Variants in DLGAP2 observed in about 807,000 individuals in gnomAD.
DLGAP2 encodes the protein disks large-associated protein 2.
DLGAP2 carries 26 observed loss-of-function variants against 100.3 expected under a neutral mutation model. That is an observed-to-expected ratio of 0.26 (90% CI 0.19 to 0.36). The LOEUF (loss-of-function observed/expected upper bound fraction) is 0.36. Ranked by LOEUF, DLGAP2 falls within the 10% of genes least tolerant of loss-of-function variation. The pLI, the probability that DLGAP2 is intolerant of heterozygous loss-of-function variation, is 1.00. For missense variants in DLGAP2, 1,858 were observed against 1,453.2 expected (o/e 1.28, Z -4.53); for synonymous variants, 886 against 630.1 (o/e 1.41, Z -6.08).
At chr8:1,533,383 G>C (rs967133064) in intron 4 of DLGAP2, among the ~76,000 whole-genome samples, 3 of 151,900 alleles carry the variant, frequency 2.0e-5, no homozygotes, top group African/African-American at 7.2e-5. Flanking sequence ...GCGGGCACCT[G>C]TAGTCCGAGC....
chr8:948,952 G>A (rs909405914), intron 2 of DLGAP2, among the ~76,000 whole-genome samples: 3 of 149,928 alleles, frequency 2.0e-5, no homozygotes, highest in Non-Finnish European at 4.5e-5. Context: ...TGAGAGCAGG[G>A]CCCGTGGGCG....
intron 2 of DLGAP2, among the ~76,000 whole-genome samples, chr8:1,013,163 C>T (rs1218650918): frequency 6.6e-6 from 1 of 152,190 alleles, no homozygotes; most frequent in African/African-American, 2.4e-5. Context: ...GCCTGTGCTG[C>T]TAATTCCTTT....
At chr8:1,151,017 G>T (rs1468140237) in intron 2 of DLGAP2, among the ~76,000 whole-genome samples, 1 of 152,082 alleles carries the variant, frequency 6.6e-6, no homozygotes, top group African/African-American at 2.4e-5. Context: ...ATATGTAATC[G>T]TTATGCTTTG....
intron 3 of DLGAP2, among the ~76,000 whole-genome samples, chr8:1,450,591 G>A (rs954075352): frequency 1.3e-5 from 2 of 152,042 alleles, no homozygotes; most frequent in Non-Finnish European, 2.9e-5. Flanking sequence ...ATGGCCCCAG[G>A]GCTACTTCCT....
chr8:1,354,565 C>T (rs1329802763), intron 3 of DLGAP2, among the ~76,000 whole-genome samples: 4 of 151,640 alleles, frequency 2.6e-5, no homozygotes, highest in Non-Finnish European at 5.9e-5. Flanking sequence ...GACTGTGGGG[C>T]CATTAAGATG....
chr8:1,392,941 C>G (rs1228779432), intron 3 of DLGAP2, among the ~76,000 whole-genome samples: 2 of 120,214 alleles, frequency 1.7e-5, no homozygotes, highest in Non-Finnish European at 3.4e-5. Flanking sequence ...ACTATTCCCC[C>G]CAAATGGAGA....
intron 3 of DLGAP2, among the ~76,000 whole-genome samples, chr8:1,292,900 G>C (rs907056021): frequency 6.6e-6 from 1 of 152,110 alleles, no homozygotes; most frequent in East Asian, 1.9e-4. Flanking sequence ...GCGTGGGTCA[G>C]GGTCCCCTCT....
Position 1,141,580 on chromosome 8 carries a change from G to C in DLGAP2, c.74-117271G>C, listed in dbSNP as rs185516780. Among the ~76,000 whole-genome samples the C allele has an allele frequency of 3.0e-3, 449 of 152,198 alleles. 4 individuals carry two copies. Among genetic ancestry groups the C allele is most frequent in the African/African-American group, 0.01 (421 of 41,524 alleles). On this transcript the variant is annotated intron_variant, in intron 2 of 14. Transcript: ENST00000637795. ...ACTCAGACAGCCATAACCTTTATAA[G>C]AGATTACACCAATTCTAGAATATTT...
intron 2 of DLGAP2, among the ~76,000 whole-genome samples, chr8:1,257,484 G>A (rs1401011573): frequency 1.4e-5 from 2 of 146,454 alleles, no homozygotes; most frequent in Non-Finnish European, 3.0e-5. Context: ...TCCCCTGCCT[G>A]TCCACCTTGT....
chr8:1,237,671 TTC>T (rs1250896271), intron 2 of DLGAP2, among the ~76,000 whole-genome samples: 20 of 24,960 alleles, frequency 8.0e-4, no homozygotes, highest in Non-Finnish European at 1.4e-3. Flanking sequence ...TCATGTCTAG[TTC>T]TCTCTCACAT....
At chr8:815,717 G>A (rs4132703) in intron 1 of DLGAP2, among the ~76,000 whole-genome samples, 38,112 of 151,990 alleles carry the variant, frequency 0.25, 5,227 homozygotes, top group African/African-American at 0.36. Flanking sequence ...TGTGCCTATC[G>A]TTTGATATTG....
chr8:1,592,712 T>A (rs1258875834), intron 6 of DLGAP2, among the ~76,000 whole-genome samples: 2 of 152,330 alleles, frequency 1.3e-5, no homozygotes, highest in South Asian at 2.1e-4. Context: ...TTTTTTATCT[T>A]CTGTGTTTTC....
intron 3 of DLGAP2, among the ~76,000 whole-genome samples, chr8:1,264,021 C>G (rs1020056622): frequency 6.6e-6 from 1 of 152,124 alleles, no homozygotes; most frequent in East Asian, 1.9e-4. Flanking sequence ...AAAACAGTCT[C>G]TAGGGTAAGA....
Position 1,705,571 on chromosome 8 carries a change from T to C in DLGAP2, c.*4165T>C, listed in dbSNP as rs1403684280. ...CGCTGGTTCGGGGAGGGCCCCTGGATACTGCCTTTGGCCCACACTGAAAAC... is the reference window on the plus strand; with the variant it reads ...CGCTGGTTCGGGGAGGGCCCCTGGACACTGCCTTTGGCCCACACTGAAAAC... On this transcript the variant is annotated 3_prime_UTR_variant, in exon 15 of 15. Transcript: ENST00000637795. The C allele has an allele frequency of 6.6e-6, 1 of 152,318 alleles. No individual in the cohort carries two copies. Among genetic ancestry groups the C allele is most frequent in the Admixed American group, 6.5e-5 (1 of 15,290 alleles). 9.4% of individuals were successfully genotyped at this position (152,318 alleles called of 1,614,324 possible).
At chr8:822,206 C>G (rs1031044884) in intron 1 of DLGAP2, 1 of 399,374 alleles carries the variant, frequency 2.5e-6, no homozygotes, top group Non-Finnish European at 4.4e-6. Context: ...ACAGTGTGAT[C>G]TTGCTCTTGC....
chr8:1,490,640 G>T (rs979705254), intron 3 of DLGAP2, among the ~76,000 whole-genome samples: 1 of 152,146 alleles, frequency 6.6e-6, no homozygotes, highest in Non-Finnish European at 1.5e-5. Flanking sequence ...AATCACTTTT[G>T]TTCTTCCTCC....
intron 3 of DLGAP2, among the ~76,000 whole-genome samples, chr8:1,356,790 T>G (rs1801862681): frequency 6.6e-6 from 1 of 151,992 alleles, no homozygotes; most frequent in Admixed American, 6.6e-5. Flanking sequence ...TGACAGTCAG[T>G]GAATGAGGTG....
chr8:1,015,227 CGGT>C (rs1224428759), intron 2 of DLGAP2, among the ~76,000 whole-genome samples: 5 of 5,906 alleles, frequency 8.5e-4, no homozygotes, highest in Non-Finnish European at 2.0e-3. Flanking sequence ...CCAGGACAGA[CGGT>C]GCCTCCACTG....
chr8:1,626,797 T>C lies in DLGAP2; in HGVS notation c.1500T>C (p.Ala500=). The part of the protein sequence containing the change: ...DVPVGHSLDP[A]ANYNSPKFRS... ...CTGTGGGACACAGCCTGGACCCCGC[T>C]GCGAACTACAACTCCCCGAAATTCC... is the stretch of plus-strand genomic sequence containing the variant. The change falls in exon 7 of 15, where the codon GCT becomes GCC. Residue 500 remains alanine (A), a synonymous_variant. Coordinates refer to ENST00000637795, the MANE Select transcript of DLGAP2 (RefSeq NM_001346810.2). 6.2e-7 allele frequency: 1 copy of C among 1,604,056 alleles called. No homozygotes were observed. The highest frequency in any genetic ancestry group is 1.1e-5 in the South Asian group (1 of 88,352).
Sources: gnomAD v4.1 joint callset for allele counts (sites outside exome capture counted in the v4.1 genomes callset) on GRCh38, gnomAD v4.1.1 for gene constraint, MANE v1.5 for transcripts, NCBI Gene and HGNC (gene_info 2026-07-23, HGNC 2026-07-21) for gene names.